Variants in MAP4 observed in about 807,000 individuals in gnomAD.
The protein encoded by MAP4 is microtubule-associated protein 4.
In MAP4, 76 loss-of-function variants were observed where a neutral mutation model predicts 170.2. The ratio of observed to expected loss-of-function variants is 0.45; its 90% CI spans 0.37 to 0.54. MAP4 has a LOEUF of 0.54. Ranked by LOEUF, MAP4 falls within the 20% of genes least tolerant of loss-of-function variation. The pLI, the probability that MAP4 is intolerant of heterozygous loss-of-function variation, is 0.00. For synonymous variants in MAP4, 909 were observed against 994.5 expected, an observed-to-expected ratio of 0.91 and a Z score of 1.62; for missense variants, 2,506 against 2,748.0, an observed-to-expected ratio of 0.91 and a Z score of 1.97.
chr3:48,020,467 G>A (rs954681860), upstream of MAP4, among the ~76,000 whole-genome samples: 1 of 152,178 alleles, frequency 6.6e-6, no homozygotes, highest in African/African-American at 2.4e-5. Context: ...GGGTAGAGTA[G>A]CTCAGCTTTT....
chr3:47,879,832 G>T (rs1368260016), intron 10 of MAP4, among the ~76,000 whole-genome samples: 1 of 152,092 alleles, frequency 6.6e-6, no homozygotes, highest in Non-Finnish European at 1.5e-5. Context: ...CAACTACTAT[G>T]TTCTCCATCT....
intron 17 of MAP4, among the ~76,000 whole-genome samples, chr3:47,864,900 G>T (rs1428786132): frequency 6.6e-6 from 1 of 152,024 alleles, no homozygotes; most frequent in Non-Finnish European, 1.5e-5. Context: ...GTGCCCAGCT[G>T]GGGGGCTCAT....
intron 10 of MAP4, among the ~76,000 whole-genome samples, chr3:47,895,961 T>C (rs984283281): frequency 7.2e-5 from 11 of 151,796 alleles, no homozygotes; most frequent in African/African-American, 1.2e-4. Context: ...ACTGGCTTCA[T>C]AGTTACAAGG....
intron 1 of MAP4, among the ~76,000 whole-genome samples, chr3:48,055,732 C>T (rs537588028): frequency 2.0e-5 from 2 of 97,938 alleles, no homozygotes; most frequent in African/African-American, 4.0e-5. Flanking sequence ...CGTCTCCGCC[C>T]GGCCGCCATC....
intron 1 of MAP4, among the ~76,000 whole-genome samples, chr3:48,009,839 A>G (rs2100104336): frequency 6.6e-6 from 1 of 152,146 alleles, no homozygotes; most frequent in Non-Finnish European, 1.5e-5. Flanking sequence ...TCTTAATTCC[A>G]GAGGGAAGAA....
chr3:47,951,920 G>A (rs895851191), intron 3 of MAP4, among the ~76,000 whole-genome samples: 1 of 151,630 alleles, frequency 6.6e-6, no homozygotes, highest in Non-Finnish European at 1.5e-5. Flanking sequence ...CCTCTTCCCG[G>A]CCGCCATCCC....
intron 3 of MAP4, among the ~76,000 whole-genome samples, chr3:47,957,231 G>A (rs1425054071): frequency 6.6e-6 from 1 of 152,090 alleles, no homozygotes; most frequent in African/African-American, 2.4e-5. Context: ...GCAGTGGCAC[G>A]ATCTTGTCTC....
intron 19 of MAP4, among the ~76,000 whole-genome samples, chr3:47,854,274 G>A (rs527697089): frequency 9.2e-5 from 14 of 152,324 alleles, no homozygotes; most frequent in South Asian, 2.1e-4. Flanking sequence ...CCACTGAGAC[G>A]GGCGTGAGAA....
At chr3:47,880,558 T>C (rs2096551811) in intron 10 of MAP4, among the ~76,000 whole-genome samples, 1 of 148,786 alleles carries the variant, frequency 6.7e-6, no homozygotes, top group African/African-American at 2.5e-5. Flanking sequence ...CTGGAACTCC[T>C]GGGCTCAAGA....
At chr3:48,011,592 C>G (rs1476223942) in intron 1 of MAP4, among the ~76,000 whole-genome samples, 1 of 151,742 alleles carries the variant, frequency 6.6e-6, no homozygotes, top group Non-Finnish European at 1.5e-5. Flanking sequence ...TAGTGGCACA[C>G]CTGTGACCCA....
intron 1 of MAP4, among the ~76,000 whole-genome samples, chr3:48,072,694 G>T (rs535345159): frequency 2.0e-5 from 3 of 152,124 alleles, no homozygotes; most frequent in Non-Finnish European, 4.4e-5. Flanking sequence ...AGAGACAAAC[G>T]TGAGAATTGC....
chr3:48,021,681 C>T (rs1054003773), intron 1 of MAP4, among the ~76,000 whole-genome samples: 3 of 152,256 alleles, frequency 2.0e-5, no homozygotes, highest in Admixed American at 6.5e-5. Flanking sequence ...AAGCAAAGTC[C>T]AGTAGGTTTT....
At chr3:48,010,131 A>G (rs1243938740) in intron 1 of MAP4, among the ~76,000 whole-genome samples, 3 of 152,228 alleles carry the variant, frequency 2.0e-5, no homozygotes, top group Admixed American at 2.0e-4. Flanking sequence ...AGCCAAATCC[A>G]GGCAGGACTA....
At chr3:47,886,711 G>A (rs909822004) in intron 10 of MAP4, among the ~76,000 whole-genome samples, 1 of 152,216 alleles carries the variant, frequency 6.6e-6, no homozygotes, top group Non-Finnish European at 1.5e-5. Context: ...CTTCTGTTGG[G>A]TCTTTCCATT....
At chr3:47,912,873 T>C (rs2100036670) in intron 8 of MAP4, among the ~76,000 whole-genome samples, 1 of 152,210 alleles carries the variant, frequency 6.6e-6, no homozygotes, top group African/African-American at 2.4e-5. Context: ...TTTATAATTC[T>C]AAGACTAGGT....
chr3:47,852,644 G>A lies in MAP4; in HGVS notation c.*290C>T. 1 of 1,142,468 alleles carries A rather than the reference G, an allele frequency of 8.8e-7. No homozygotes were observed. Among genetic ancestry groups the A allele is most frequent in the Non-Finnish European group, 1.2e-6 (1 of 829,550 alleles). The allele number at this position is 1,142,468 out of a possible 1,614,324, so 70.8% of individuals were successfully genotyped here. On this transcript the variant is annotated 3_prime_UTR_variant, in exon 21 of 21. Transcript: ENST00000683076. ...CTCCTCCACGGAGCAGTGGCGCAGT[G>A]ATGGGGCAAGACCAAAGCAGGGAGA...
In MAP4 at chr3:47,910,052, A is replaced by G. The variant is rs375486995; in HGVS notation, c.4369T>C (p.Phe1457Leu). The G allele has an allele frequency of 3.1e-6, 5 of 1,613,920 alleles. No individual in the cohort carries two copies. The African/African-American group carries it at 6.7e-5, about 22-fold the overall frequency. The change falls in exon 9 of 21, where the codon TTT becomes CTT. Residue 1457 changes from phenylalanine (F) to leucine (L), a missense_variant. Transcript: ENST00000683076. ...CCATTTTTTGCCAAGGTATCTGGAA[A>G]GGAATCACCTTCCTTTACTACTTGA... is the stretch of plus-strand genomic sequence containing the variant. ...TPQVVKEGDS[F>L]PDTLAKNGQE... is the part of the protein sequence containing the mutation.
At chr3:48,028,210 C>G (rs1267706635) in intron 1 of MAP4, among the ~76,000 whole-genome samples, 1 of 152,114 alleles carries the variant, frequency 6.6e-6, no homozygotes, top group Non-Finnish European at 1.5e-5. Context: ...GAGAATCACT[C>G]AAACCCAGGA....
At chr3:47,949,196 T>C (rs1457489962) in intron 3 of MAP4, among the ~76,000 whole-genome samples, 1 of 152,030 alleles carries the variant, frequency 6.6e-6, no homozygotes, top group Admixed American at 6.6e-5. Flanking sequence ...CTGGGCACGG[T>C]GGCTCACGCC....
Sources: allele counts gnomAD v4.1 joint callset (sites outside exome capture counted in the v4.1 genomes callset), GRCh38; gene constraint gnomAD v4.1.1; transcripts MANE v1.5; gene names NCBI Gene and HGNC (gene_info 2026-07-23, HGNC 2026-07-21).